Variants in TLK1 observed in about 807,000 individuals in gnomAD.
TLK1 encodes serine/threonine-protein kinase tousled-like 1.
A neutral mutation model predicts 105.3 loss-of-function variants in TLK1; 24 were observed. The ratio of observed to expected loss-of-function variants is 0.23; its 90% CI spans 0.17 to 0.32. TLK1 has a LOEUF of 0.32. Among genes scored for constraint, TLK1 ranks in the 10% least tolerant of loss-of-function variants. The pLI is 1.00. For synonymous variants in TLK1, 321 were observed against 310.4 expected (o/e 1.03, Z -0.36); for missense variants, 558 against 910.5 (o/e 0.61, Z 4.98).
chr2:171,012,629 C>T (rs1359898763), intron 13 of TLK1, among the ~76,000 whole-genome samples: 2 of 152,196 alleles, frequency 1.3e-5, no homozygotes, highest in South Asian at 4.1e-4. Flanking sequence ...TAGGCATGTG[C>T]CACCACGCCC....
chr2:171,203,322 T>C (rs1404516719), intron 1 of TLK1, among the ~76,000 whole-genome samples: 1 of 152,162 alleles, frequency 6.6e-6, no homozygotes, highest in African/African-American at 2.4e-5. Flanking sequence ...AAACTAAAAC[T>C]CTATACTCAT....
chr2:171,220,626 C>T (rs1041604902), intron 1 of TLK1, among the ~76,000 whole-genome samples: 4 of 152,070 alleles, frequency 2.6e-5, no homozygotes, highest in Admixed American at 2.0e-4. Flanking sequence ...GATCCTTGAT[C>T]GTCAAGCAAG....
chr2:171,160,511 G>C lies in TLK1; in HGVS notation c.-83C>G. The C allele has an allele frequency of 6.4e-7, 1 of 1,567,424 alleles. No individual in the cohort carries two copies. Among genetic ancestry groups the C allele is most frequent in the Non-Finnish European group, 8.6e-7 (1 of 1,162,850 alleles). On this transcript the variant is annotated 5_prime_UTR_variant, in exon 1 of 21. Coordinates refer to ENST00000431350, the MANE Select transcript of TLK1 (RefSeq NM_012290.5). The surrounding 1 kb of genome is among the most constrained non-coding windows in gnomAD (Gnocchi z 4.4). ...CCGGCACCCGCCTCCGTCATGGCGG[G>C]GGCCGCGCTGAGGGCGAGCGAGAGA...
chr2:171,021,815 G>A (rs545335136), intron 12 of TLK1, among the ~76,000 whole-genome samples: 1 of 152,154 alleles, frequency 6.6e-6, no homozygotes, highest in East Asian at 1.9e-4. Flanking sequence ...ATTAAACACT[G>A]TGGATCAGGC....
intron 2 of TLK1, among the ~76,000 whole-genome samples, chr2:171,103,281 T>TATATATATATATATATATATATAA (rs1018211660): frequency 1.3e-5 from 2 of 150,048 alleles, no homozygotes; most frequent in African/African-American, 5.0e-5. Context: ...TATATATATA[T>TATATATATATATATATATATATAA]AATTTTTTTT....
chr2:171,035,210 C>T (rs1184116786), intron 11 of TLK1, among the ~76,000 whole-genome samples: 2 of 152,080 alleles, frequency 1.3e-5, no homozygotes, highest in African/African-American at 4.8e-5. Context: ...GGCGTGGTGG[C>T]AGGCACCTGT....
intron 2 of TLK1, among the ~76,000 whole-genome samples, chr2:171,093,723 T>A (rs1036916858): frequency 2.0e-5 from 3 of 151,822 alleles, no homozygotes; most frequent in African/African-American, 7.3e-5. Flanking sequence ...GGAGAATCAA[T>A]AAGTTAGAAT....
At chr2:171,168,918 A>C (rs1692667490) in intron 1 of TLK1, among the ~76,000 whole-genome samples, 1 of 152,026 alleles carries the variant, frequency 6.6e-6, no homozygotes, top group Non-Finnish European at 1.5e-5. Flanking sequence ...TCGTCTCTGC[A>C]ACAAATACAA....
chr2:171,038,371 A>G (rs1686479326), intron 11 of TLK1, among the ~76,000 whole-genome samples: 1 of 151,676 alleles, frequency 6.6e-6, no homozygotes, highest in Non-Finnish European at 1.5e-5. Flanking sequence ...TCTCTTGCTC[A>G]TTTTCTTTCT....
At chr2:171,173,979 C>G (rs952546699) in intron 1 of TLK1, among the ~76,000 whole-genome samples, 1 of 152,156 alleles carries the variant, frequency 6.6e-6, no homozygotes, top group African/African-American at 2.4e-5. Context: ...TCTTAAACAG[C>G]CTGTTGAATC....
chr2:171,152,280 G>T (rs1357983432), intron 1 of TLK1, among the ~76,000 whole-genome samples: 9 of 152,218 alleles, frequency 5.9e-5, no homozygotes, highest in Admixed American at 5.9e-4. Context: ...AATCTATGTA[G>T]AATATAATCA....
chr2:171,044,423 T>C (rs1438014390), intron 11 of TLK1, among the ~76,000 whole-genome samples: 8 of 152,224 alleles, frequency 5.3e-5, no homozygotes, highest in Non-Finnish European at 2.9e-5. Context: ...AAGATAACAG[T>C]AAATACAAGG....
intron 11 of TLK1, among the ~76,000 whole-genome samples, chr2:171,031,612 A>T (rs539890983): frequency 4.6e-5 from 7 of 152,214 alleles, no homozygotes; most frequent in Non-Finnish European, 8.8e-5. Flanking sequence ...CACACATAAC[A>T]ATGTATTATT....
upstream of TLK1, among the ~76,000 whole-genome samples, chr2:171,164,491 A>C (rs933402868): frequency 6.6e-6 from 1 of 151,244 alleles, no homozygotes; most frequent in Admixed American, 6.6e-5. Context: ...CCATCTCTTA[A>C]AAAGAAAAAA....
chr2:171,004,556 G>A (rs966366662), intron 18 of TLK1, among the ~76,000 whole-genome samples: 1 of 152,136 alleles, frequency 6.6e-6, no homozygotes, highest in Admixed American at 6.5e-5. Context: ...TGAAACATAA[G>A]CTCTTTGTCC....
intron 1 of TLK1, among the ~76,000 whole-genome samples, chr2:171,194,474 G>A (rs932325776): frequency 2.6e-5 from 4 of 152,092 alleles, no homozygotes; most frequent in Non-Finnish European, 5.9e-5. Flanking sequence ...AAAGCTTTGG[G>A]GGTTGAGAAA....
intron 1 of TLK1, among the ~76,000 whole-genome samples, chr2:171,222,897 C>T (rs1693834237): frequency 6.6e-6 from 1 of 152,172 alleles, no homozygotes; most frequent in Admixed American, 6.5e-5. Context: ...TCACTGCAAC[C>T]TCCGCTTCCC....
At chr2:171,105,636 C>T (rs1347197661) in intron 2 of TLK1, among the ~76,000 whole-genome samples, 2 of 151,952 alleles carry the variant, frequency 1.3e-5, no homozygotes, top group African/African-American at 4.8e-5. Flanking sequence ...CAGTGAGCCC[C>T]GAGACTGCGC....
chr2:171,100,547 T>C (rs1237232484), intron 2 of TLK1, among the ~76,000 whole-genome samples: 1 of 152,156 alleles, frequency 6.6e-6, no homozygotes, highest in Non-Finnish European at 1.5e-5. Flanking sequence ...GCCATGTCCT[T>C]GAACCTCGCA....
Sources: allele counts gnomAD v4.1 joint callset (sites outside exome capture counted in the v4.1 genomes callset), GRCh38; gene constraint gnomAD v4.1.1; non-coding constraint Gnocchi (gnomAD v3.1); transcripts MANE v1.5; gene names NCBI Gene and HGNC (gene_info 2026-07-23, HGNC 2026-07-21).